ACTR3C: variants seen among roughly 807,000 people sequenced by gnomAD.
ACTR3C encodes the protein actin related protein 3C, also known as actin-related protein 3C.
ACTR3C carries 18 observed loss-of-function variants against 26.3 expected under a neutral mutation model. The ratio of observed to expected loss-of-function variants is 0.68; its 90% CI spans 0.47 to 1.01. ACTR3C has a LOEUF of 1.01. ACTR3C is among the 50% of genes least tolerant of loss of function. The probability of loss-of-function intolerance (pLI) is 0.00; values close to 1 mark genes in which losing one functional copy is unlikely to be tolerated. For synonymous variants in ACTR3C, 55 were observed against 94.5 expected (o/e 0.58, Z 2.42); for missense variants, 184 against 250.7 (o/e 0.73, Z 1.80).
At chr7:150,109,273 T>C in the ACTR3C span, among the ~76,000 whole-genome samples, 1 of 152,100 alleles carries the variant, frequency 6.6e-6, no homozygotes, top group Non-Finnish European at 1.5e-5. Context: ...TGTATAGCTT[T>C]GCATGAATAT....
chr7:150,198,785 T>G, the ACTR3C span, among the ~76,000 whole-genome samples: 1 of 100,714 alleles, frequency 9.9e-6, no homozygotes, highest in African/African-American at 4.4e-5. Context: ...TGGCCAGCCG[T>G]GCCGTCCGGG....
chr7:150,263,303 T>C (rs1368455752), intron 6 of ACTR3C, among the ~76,000 whole-genome samples: 1 of 152,264 alleles, frequency 6.6e-6, no homozygotes, highest in Non-Finnish European at 1.5e-5. Context: ...GGAGACCTCA[T>C]ATTTCCTGTA....
At chr7:150,297,593 T>C (rs1795016120) in intron 1 of ACTR3C, among the ~76,000 whole-genome samples, 1 of 152,252 alleles carries the variant, frequency 6.6e-6, no homozygotes, top group Admixed American at 6.5e-5. Flanking sequence ...GGCTCATGCC[T>C]GTAATCCCAG....
At position 150,282,373 on chromosome 7, in the gene ACTR3C, T is replaced by C. The variant is rs1439686844; in HGVS notation, c.564+2380A>G. Among the ~76,000 whole-genome samples, 11 of 152,292 alleles carry C rather than the reference T, an allele frequency of 7.2e-5. No homozygotes were observed. In the East Asian group the frequency reaches 1.9e-3, roughly 27 times the overall value. Reference sequence around the variant, plus strand: ...TGAGATTTTGGATTAATTTTTATCGTAACATATTCTGGTCTACTCTAACTT... The same window carrying C: ...TGAGATTTTGGATTAATTTTTATCGCAACATATTCTGGTCTACTCTAACTT... On this transcript the variant is annotated intron_variant, in intron 6 of 7. Transcript: ENST00000683684.
intron 6 of ACTR3C, among the ~76,000 whole-genome samples, chr7:150,275,459 C>T (rs1396616973): frequency 1.3e-5 from 2 of 152,160 alleles, no homozygotes; most frequent in Non-Finnish European, 2.9e-5. Flanking sequence ...ACTTGTAATC[C>T]CAGCACTTCG....
the ACTR3C span, among the ~76,000 whole-genome samples, chr7:150,114,559 C>T: frequency 6.6e-5 from 10 of 151,998 alleles, no homozygotes; most frequent in Admixed American, 5.9e-4. Context: ...GACGTGATTG[C>T]ATGAAATGTG....
At chr7:150,090,018 G>C in the ACTR3C span, among the ~76,000 whole-genome samples, 1 of 152,198 alleles carries the variant, frequency 6.6e-6, no homozygotes, top group Non-Finnish European at 1.5e-5. Flanking sequence ...AAAAAGGGAA[G>C]CATTCTGTGA....
At chr7:149,912,341 G>A in the ACTR3C span, among the ~76,000 whole-genome samples, 243 of 151,746 alleles carry the variant, frequency 1.6e-3, no homozygotes, top group African/African-American at 2.3e-3. Flanking sequence ...ATGACTCAGC[G>A]ACAGCTGCTG....
At chr7:150,057,256 T>C in the ACTR3C span, among the ~76,000 whole-genome samples, 37 of 147,818 alleles carry the variant, frequency 2.5e-4, no homozygotes, top group East Asian at 5.4e-3. Context: ...GAGCATTTAA[T>C]GAAAATCTTG....
chr7:150,158,699 A>G, the ACTR3C span, among the ~76,000 whole-genome samples: 3 of 152,232 alleles, frequency 2.0e-5, no homozygotes, highest in South Asian at 4.1e-4. Flanking sequence ...TGCAGATAGA[A>G]GCTGAATAAG....
At chr7:150,058,118 C>A in the ACTR3C span, among the ~76,000 whole-genome samples, 1 of 152,146 alleles carries the variant, frequency 6.6e-6, no homozygotes, top group African/African-American at 2.4e-5. Flanking sequence ...CTTGGCATGA[C>A]GGAAGAGTTC....
chr7:150,199,092 C>A, the ACTR3C span, among the ~76,000 whole-genome samples: 6 of 150,886 alleles, frequency 4.0e-5, no homozygotes, highest in African/African-American at 7.4e-5. Flanking sequence ...GCCGCCCCCC[C>A]GTCTGGGAGG....
chr7:150,286,483 C>A lies in ACTR3C; in HGVS notation c.355G>T (p.Asp119Tyr). Residue 119 changes from aspartate (D) to tyrosine (Y), a missense_variant, in exon 5 of 8, where the codon GAT becomes TAT. Asp to Tyr is a radical substitution (Grantham distance 160). Coordinates refer to ENST00000683684, the MANE Select transcript of ACTR3C (RefSeq NM_001164458.2). Reference protein sequence around the residue: ...IVKEFAKYDVDPQKWIKQYTG... With the variant: ...IVKEFAKYDVYPQKWIKQYTG... ...TACTGTTTGATCCACTTCTGGGGAT[C>A]CACATCATACTTGGCAAATTCCTTG... 1 of 1,611,574 alleles carries A rather than the reference C, an allele frequency of 6.2e-7. No homozygotes were observed. The highest frequency in any genetic ancestry group is 8.5e-7 in the Non-Finnish European group (1 of 1,179,824).
the ACTR3C span, among the ~76,000 whole-genome samples, chr7:150,174,479 G>C: frequency 7.1e-6 from 1 of 140,976 alleles, no homozygotes; most frequent in Non-Finnish European, 1.5e-5. Context: ...AATTCAAGTT[G>C]AGATTTGGGT....
chr7:150,289,453 A>C lies in ACTR3C; in HGVS notation c.294T>G (p.Ile98Met). Residue 98 changes from isoleucine to methionine, a missense_variant, in exon 4 of 8, where the codon ATT becomes ATG. Coordinates refer to ENST00000683684, the MANE Select transcript of ACTR3C (RefSeq NM_001164458.2). ...PEQSLETAKA[I>M]KEKYCYICPD... is the part of the protein sequence containing the mutation. Reference sequence around the variant, plus strand: ...CCGGTTTCCCATCTGTTTTTACCTTAATGGCTTTTGCGGTCTCCAGTGACT... The same window carrying C: ...CCGGTTTCCCATCTGTTTTTACCTTCATGGCTTTTGCGGTCTCCAGTGACT... 6.3e-7 allele frequency: 1 copy of C among 1,577,704 alleles called. No homozygotes were observed. Among genetic ancestry groups the C allele is most frequent in the Non-Finnish European group, 8.6e-7 (1 of 1,164,944 alleles).
chr7:149,956,495 C>T, the ACTR3C span, among the ~76,000 whole-genome samples: 2 of 152,300 alleles, frequency 1.3e-5, no homozygotes, highest in South Asian at 4.1e-4. Context: ...GTGGCATGAA[C>T]TATACTATAG....
the ACTR3C span, among the ~76,000 whole-genome samples, chr7:150,035,831 G>A: frequency 5.4e-4 from 72 of 133,658 alleles, 5 homozygotes; most frequent in East Asian, 8.0e-3. Flanking sequence ...CCTGCCTTGC[G>A]GGGGTTGCCT....
chr7:150,204,846 G>A, the ACTR3C span, among the ~76,000 whole-genome samples: 1 of 150,536 alleles, frequency 6.6e-6, no homozygotes, highest in African/African-American at 2.4e-5. Flanking sequence ...AGGGAGGACT[G>A]GCGAGTGCAG....
At chr7:150,110,437 G>A in the ACTR3C span, among the ~76,000 whole-genome samples, 2 of 138,554 alleles carry the variant, frequency 1.4e-5, no homozygotes, top group African/African-American at 2.6e-5. Context: ...AAGCAGGTGG[G>A]GCTGCCTGAG....
Sources: gnomAD v4.1 joint callset for allele counts (sites outside exome capture counted in the v4.1 genomes callset) on GRCh38, gnomAD v4.1.1 for gene constraint, MANE v1.5 for transcripts, NCBI Gene and HGNC (gene_info 2026-07-23, HGNC 2026-07-21) for gene names.